RFTN1: variants seen among roughly 807,000 people sequenced by gnomAD.
RFTN1 encodes the protein raftlin.
RFTN1 carries 26 observed loss-of-function variants against 46.5 expected under a neutral mutation model. The observed-to-expected ratio is 0.56, with a 90% CI of 0.41 to 0.78. The LOEUF (loss-of-function observed/expected upper bound fraction) is 0.78. Ranked by LOEUF, RFTN1 falls within the 30% of genes least tolerant of loss-of-function variation. RFTN1 has a pLI of 0.00. For synonymous variants in RFTN1, 261 were observed against 284.2 expected (o/e 0.92, Z 0.82); for missense variants, 693 against 718.7 (o/e 0.96, Z 0.41).
Position 16,404,313 on chromosome 3 carries a change from T to TTATATATTATATATTATATATAA in RFTN1, c.441+5061_441+5062insTTATATATAATATATAATATATA, listed in dbSNP as rs1553584606. Among the ~76,000 whole-genome samples the TTATATATTATATATTATATATAA allele has an allele frequency of 1.2e-4, 2 of 16,114 alleles. 1 individual carries two copies. The highest frequency in any genetic ancestry group is 2.0e-4 in the Non-Finnish European group (2 of 10,094). The allele number at this position is 16,114 out of a possible 152,430, so 10.6% of individuals were successfully genotyped here. A position where few individuals can be genotyped will look rare whatever the true frequency, so the allele number is the denominator to read the frequency against. On this transcript the variant is annotated intron_variant, in intron 4 of 9. Coordinates refer to ENST00000334133, the MANE Select transcript of RFTN1 (RefSeq NM_015150.2). ...TAATATATATAATATGTAATATATA[T>TTATATATTATATATTATATATAA]TATATATAATATATAATATATAATA...
chr3:16,382,035 A>G lies in RFTN1; in HGVS notation c.442-3933T>C, dbSNP rs1377522749. Among the ~76,000 whole-genome samples, 1 of 152,206 alleles carries G rather than the reference A, an allele frequency of 6.6e-6. No homozygotes were observed. Among genetic ancestry groups the G allele is most frequent in the Admixed American group, 6.5e-5 (1 of 15,284 alleles). On this transcript the variant is annotated intron_variant, in intron 4 of 9. Transcript: ENST00000334133. This position sits in a 1 kb window ranked among gnomAD's most constrained non-coding sequence, Gnocchi z 4.7. Reference sequence around the variant, plus strand: ...ATACCATAGTGCTACCTAGGATCCAAACTTTAAAAAGATGTCAAAGTTAAA... The same window carrying G: ...ATACCATAGTGCTACCTAGGATCCAGACTTTAAAAAGATGTCAAAGTTAAA...
In RFTN1 at chr3:16,421,682, C is replaced by T. The variant is rs1008995071; in HGVS notation, c.332+12169G>A. On this transcript the variant is annotated intron_variant, in intron 3 of 9. Transcript: ENST00000334133. This position sits in a 1 kb window ranked among gnomAD's most constrained non-coding sequence, Gnocchi z 4.6. ...GGTGTTTTAATCTCATACTGCGTCC[C>T]ACAAAGCTCTTATGGGCAGAGACGG... 6.6e-6 allele frequency among the ~76,000 whole-genome samples: 1 copy of T among 152,104 alleles called. No homozygotes were observed. The highest frequency in any genetic ancestry group is 2.4e-5 in the African/African-American group (1 of 41,436).
At chr3:16,491,517 C>T (rs1256250928) in intron 2 of RFTN1, among the ~76,000 whole-genome samples, 1 of 152,118 alleles carries the variant, frequency 6.6e-6, no homozygotes, top group South Asian at 2.1e-4. Flanking sequence ...ATTTCATAAG[C>T]AGAAAACAAA....
rs1303753615 is a variant in RFTN1, at chr3:16,433,187, A to ATTT, written c.332+663_332+664insAAA. On this transcript the variant is annotated intron_variant, in intron 3 of 9. Coordinates refer to ENST00000334133, the MANE Select transcript of RFTN1 (RefSeq NM_015150.2). The surrounding 1 kb of genome is among the most constrained non-coding windows in gnomAD (Gnocchi z 4.4). Reference sequence around the variant, plus strand: ...CCATCCTCACTGTTTTTTTTTTTTAAAAAAATTAATATTGTTCCTTTTGAA... The same window carrying ATTT: ...CCATCCTCACTGTTTTTTTTTTTTAATTTAAAAATTAATATTGTTCCTTTTGAA... 9.7e-3 allele frequency among the ~76,000 whole-genome samples: 1,416 copies of ATTT among 145,546 alleles called. 21 individuals carry two copies. The highest frequency in any genetic ancestry group is 0.036 in the African/African-American group (1,324 of 36,922).
intron 6 of RFTN1, among the ~76,000 whole-genome samples, chr3:16,365,335 A>G (rs538319854): frequency 9.2e-5 from 14 of 152,308 alleles, no homozygotes; most frequent in Non-Finnish European, 1.9e-4. Flanking sequence ...CAGAACTATC[A>G]TTAGCCACCT....
At chr3:16,367,313 A>C (rs1229388222) in intron 6 of RFTN1, among the ~76,000 whole-genome samples, 1 of 152,052 alleles carries the variant, frequency 6.6e-6, no homozygotes, top group Non-Finnish European at 1.5e-5. Flanking sequence ...GGAAAAGATC[A>C]CACACGTATT....
Position 16,370,024 on chromosome 3 carries a change from T to TA in RFTN1, c.1030+51dup. ...GAAGAGGGACTAAGATTTCAAGAGT[T>TA]AGAAGCAGAGTTCACAAAGGGCCAC... is the stretch of plus-strand genomic sequence containing the variant. On this transcript the variant is annotated intron_variant, in intron 6 of 9. Transcript: ENST00000334133. The surrounding 1 kb of genome is among the most constrained non-coding windows in gnomAD (Gnocchi z 5.5). 2 of 1,526,856 alleles carry TA rather than the reference T, an allele frequency of 1.3e-6. No homozygotes were observed. The highest frequency in any genetic ancestry group is 3.4e-4 in the Middle Eastern group (2 of 5,890). The allele number at this position is 1,526,856 out of a possible 1,614,324, so 94.6% of individuals were successfully genotyped here.
At chr3:16,434,405 AAC>A (rs1313652360) in intron 2 of RFTN1, among the ~76,000 whole-genome samples, 18 of 128,264 alleles carry the variant, frequency 1.4e-4, no homozygotes, top group East Asian at 1.0e-3. Context: ...AAAACAAAAA[AAC>A]CCCCTCAAAA....
intron 7 of RFTN1, among the ~76,000 whole-genome samples, chr3:16,343,846 A>G (rs2125296940): frequency 6.6e-6 from 1 of 152,338 alleles, no homozygotes; most frequent in Non-Finnish European, 1.5e-5. Context: ...AGGTAAGGTG[A>G]AATGTGGTTG....
rs1358258281 is a variant in RFTN1 at position 16,383,826 on chromosome 3, C to T, written c.442-5724G>A. On this transcript the variant is annotated intron_variant, in intron 4 of 9. Transcript: ENST00000334133. The surrounding 1 kb of genome is among the most constrained non-coding windows in gnomAD (Gnocchi z 4.0). ...TCAATAGGGATTGGAGTGTCCACAG[C>T]CTGTAGTAGATAGCATGGGTAAAGA... Among the ~76,000 whole-genome samples the T allele has an allele frequency of 2.0e-5, 3 of 152,130 alleles. No individual in the cohort carries two copies. Among genetic ancestry groups the T allele is most frequent in the African/African-American group, 4.8e-5 (2 of 41,402 alleles).
At position 16,468,245 on chromosome 3, in the gene RFTN1, GCTT is replaced by G. The variant is rs1575334571; in HGVS notation, c.145+25477_145+25479del. Among the ~76,000 whole-genome samples the G allele has an allele frequency of 6.6e-6, 1 of 152,254 alleles. No individual in the cohort carries two copies. The highest frequency in any genetic ancestry group is 1.5e-5 in the Non-Finnish European group (1 of 68,016). On this transcript the variant is annotated intron_variant, in intron 2 of 9. Coordinates refer to ENST00000334133, the MANE Select transcript of RFTN1 (RefSeq NM_015150.2). The surrounding 1 kb of genome is among the most constrained non-coding windows in gnomAD (Gnocchi z 4.4). ...TTCCTCATTCCCTTTCAGCTGACAG[GCTT>G]CTTATCTTTTTCATTTGGAAACTTA...
At position 16,370,533 on chromosome 3, in the gene RFTN1, G is replaced by C. The variant is rs1385425625; in HGVS notation, c.827-254C>G. ...TTAGGTTTTTAATCTGGAATATAAT[G>C]AATAGCTGTTATCTGCGATTAATAG... On this transcript the variant is annotated intron_variant, in intron 5 of 9. Transcript: ENST00000334133. The surrounding 1 kb of genome is among the most constrained non-coding windows in gnomAD (Gnocchi z 5.5). Among the ~76,000 whole-genome samples, 1 of 152,210 alleles carries C rather than the reference G, an allele frequency of 6.6e-6. No homozygotes were observed. Among genetic ancestry groups the C allele is most frequent in the Non-Finnish European group, 1.5e-5 (1 of 68,044 alleles).
rs2069138158 is a variant in RFTN1 at position 16,322,180 on chromosome 3, G to GT, written c.1332+1195dup. ...AGCTGGTGGCTGCCTGCTCCTGGTG[G>GT]TTGATGGTGGGCTGGCAGTTCCCTT... On this transcript the variant is annotated intron_variant, in intron 9 of 9. Coordinates refer to ENST00000334133, the MANE Select transcript of RFTN1 (RefSeq NM_015150.2). The surrounding 1 kb of genome is among the most constrained non-coding windows in gnomAD (Gnocchi z 6.2). 6.6e-6 allele frequency among the ~76,000 whole-genome samples: 1 copy of GT among 152,196 alleles called. No individual in the cohort carries two copies. The highest frequency in any genetic ancestry group is 1.9e-4 in the East Asian group (1 of 5,188).
At chr3:16,493,997 T>G (rs566396408) in intron 1 of RFTN1, 120 bp from the exon 2 acceptor site, 6 of 1,086,786 alleles carry the variant, frequency 5.5e-6, no homozygotes, top group Non-Finnish European at 8.0e-6. Flanking sequence ...TCAGCCCTTA[T>G]GAAACTGAGA....
intron 7 of RFTN1, among the ~76,000 whole-genome samples, chr3:16,350,746 G>C (rs2072043730): frequency 6.6e-6 from 1 of 152,100 alleles, no homozygotes; most frequent in Non-Finnish European, 1.5e-5. Flanking sequence ...TCATGGGAGT[G>C]ATTATTCACA....
In RFTN1 at chr3:16,443,727, C is replaced by T. The variant is rs2075673231; in HGVS notation, c.146-9690G>A. 6.6e-6 allele frequency among the ~76,000 whole-genome samples: 1 copy of T among 150,948 alleles called. No homozygotes were observed. The highest frequency in any genetic ancestry group is 2.5e-5 in the African/African-American group (1 of 40,766). On this transcript the variant is annotated intron_variant, in intron 2 of 9. Coordinates refer to ENST00000334133, the MANE Select transcript of RFTN1 (RefSeq NM_015150.2). The surrounding 1 kb of genome is among the most constrained non-coding windows in gnomAD (Gnocchi z 5.5). ...GTTTGCTCGTCATTTCAGAGAATCA[C>T]ACATAGTCAATGAATTACACACAAC...
Position 16,407,813 on chromosome 3 carries a change from T to C in RFTN1, c.441+1562A>G, listed in dbSNP as rs2074895746. Reference sequence around the variant, plus strand: ...CCCCCCTCCCCCATTTCTTAAATAATAATCTGAATTCTACCAGAGTAGAAA... The same window carrying C: ...CCCCCCTCCCCCATTTCTTAAATAACAATCTGAATTCTACCAGAGTAGAAA... On this transcript the variant is annotated intron_variant, in intron 4 of 9. Transcript: ENST00000334133. This position sits in a 1 kb window ranked among gnomAD's most constrained non-coding sequence, Gnocchi z 4.0. Among the ~76,000 whole-genome samples the C allele has an allele frequency of 6.6e-6, 1 of 152,118 alleles. No individual in the cohort carries two copies. Among genetic ancestry groups the C allele is most frequent in the South Asian group, 2.1e-4 (1 of 4,828 alleles).
At chr3:16,510,776 T>A (rs528851140) in intron 1 of RFTN1, among the ~76,000 whole-genome samples, 1 of 152,228 alleles carries the variant, frequency 6.6e-6, no homozygotes, top group African/African-American at 2.4e-5. Context: ...ACTAGGTGTT[T>A]ACCCATGAGA....
intron 6 of RFTN1, among the ~76,000 whole-genome samples, chr3:16,364,932 A>G (rs2073060741): frequency 6.6e-6 from 1 of 152,176 alleles, no homozygotes; most frequent in Non-Finnish European, 1.5e-5. Context: ...CTACGTCTTG[A>G]TCTCTGTGCT....
Sources: allele counts gnomAD v4.1 joint callset (sites outside exome capture counted in the v4.1 genomes callset), GRCh38; gene constraint gnomAD v4.1.1; non-coding constraint Gnocchi (gnomAD v3.1); transcripts MANE v1.5; gene names NCBI Gene and HGNC (gene_info 2026-07-23, HGNC 2026-07-21).